Variants in ZNF724 observed in about 807,000 individuals in gnomAD.
ZNF724 encodes zinc finger protein 724 pseudogene.
ZNF724 carries 14 observed loss-of-function variants against 29.3 expected under a neutral mutation model. The ratio of observed to expected loss-of-function variants is 0.48; its 90% CI spans 0.32 to 0.75. The LOEUF (loss-of-function observed/expected upper bound fraction) is 0.75. Among genes scored for constraint, ZNF724 ranks in the 30% least tolerant of loss-of-function variants. The pLI, the probability that ZNF724 is intolerant of heterozygous loss-of-function variation, is 0.04. For synonymous variants in ZNF724, 180 were observed against 193.6 expected (o/e 0.93, Z 0.58); for missense variants, 557 against 571.2 (o/e 0.98, Z 0.25).
chr19:23,231,240 C>A, intron 3 of ZNF724, 26 bp downstream of exon 3: 1 of 1,272,986 alleles, frequency 7.9e-7, no homozygotes, highest in Non-Finnish European at 1.1e-6. Flanking sequence ...TCATCTGTGT[C>A]ATCTGTCATA....
At chr19:23,248,980 C>G (rs747497466) in intron 1 of ZNF724, among the ~76,000 whole-genome samples, 5 of 150,578 alleles carry the variant, frequency 3.3e-5, no homozygotes, top group Non-Finnish European at 5.9e-5. Flanking sequence ...TGCAGGACTC[C>G]GTCTCAAAAA....
chr19:23,244,488 A>C (rs567564236), intron 1 of ZNF724, among the ~76,000 whole-genome samples: 25 of 152,128 alleles, frequency 1.6e-4, no homozygotes, highest in Admixed American at 1.6e-3. Context: ...GTCCTCTCTC[A>C]CTCTAAGAGA....
intron 1 of ZNF724, among the ~76,000 whole-genome samples, chr19:23,244,319 A>T (rs1249958697): frequency 6.6e-6 from 1 of 152,152 alleles, no homozygotes; most frequent in Non-Finnish European, 1.5e-5. Flanking sequence ...GCTAAATCAA[A>T]AATGCTGTGG....
chr19:23,243,487 A>T (rs1972173041), intron 1 of ZNF724, among the ~76,000 whole-genome samples: 1 of 150,194 alleles, frequency 6.7e-6, no homozygotes, highest in Non-Finnish European at 1.5e-5. Flanking sequence ...AAAAAAAAAA[A>T]AAAAAAAAAA....
intron 1 of ZNF724, among the ~76,000 whole-genome samples, chr19:23,249,241 C>CTT (rs35301912): frequency 0.024 from 3,240 of 133,774 alleles, 165 homozygotes; most frequent in African/African-American, 0.079. Context: ...CAGAGACTGC[C>CTT]TTTTTTTTTT....
Position 23,234,541 on chromosome 19 carries a change from T to TCC in ZNF724, c.4-2250_4-2249dup, listed in dbSNP as rs370535786. The stretch of plus-strand genomic sequence containing the variant: ...ATCTCTGCTCACCACAACCTCCACC[T>TCC]CCTGGGTTAAAGAGATTCTCCAGCC... On this transcript the variant is annotated intron_variant, in intron 1 of 3. Coordinates refer to ENST00000418100, the MANE Select transcript of ZNF724 (RefSeq NM_001355404.2). 1.4e-3 allele frequency among the ~76,000 whole-genome samples: 207 copies of TCC among 152,124 alleles called. 1 individual carries two copies. The highest frequency in any genetic ancestry group is 4.9e-3 in the African/African-American group (202 of 41,520).
intron 1 of ZNF724, among the ~76,000 whole-genome samples, chr19:23,246,545 C>A (rs1322085408): frequency 6.6e-6 from 1 of 151,734 alleles, no homozygotes; most frequent in Non-Finnish European, 1.5e-5. Flanking sequence ...ATCCCAGGTA[C>A]GCTGGAGGCT....
At chr19:23,233,476 C>T (rs1971972817) in intron 1 of ZNF724, among the ~76,000 whole-genome samples, 1 of 151,920 alleles carries the variant, frequency 6.6e-6, no homozygotes, top group Admixed American at 6.6e-5. Context: ...CCCAGCTTTT[C>T]CCCAATAGTA....
chr19:23,249,725 G>T (rs1389402721), intron 1 of ZNF724, among the ~76,000 whole-genome samples: 1 of 152,050 alleles, frequency 6.6e-6, no homozygotes, highest in East Asian at 1.9e-4. Flanking sequence ...GTAGAGATGG[G>T]GTTTCGCCAT....
chr19:23,247,781 G>T (rs1332687438), intron 1 of ZNF724, among the ~76,000 whole-genome samples: 2 of 152,192 alleles, frequency 1.3e-5, no homozygotes, highest in African/African-American at 4.8e-5. Flanking sequence ...ATGTCTCCAA[G>T]AAATGGAAAA....
intron 1 of ZNF724, among the ~76,000 whole-genome samples, chr19:23,243,907 G>A (rs981433944): frequency 1.4e-5 from 2 of 139,050 alleles, no homozygotes; most frequent in Non-Finnish European, 3.1e-5. Context: ...TGGACAACAA[G>A]AGTGAAACTC....
intron 1 of ZNF724, among the ~76,000 whole-genome samples, chr19:23,241,260 T>C (rs1021595509): frequency 2.0e-5 from 3 of 152,102 alleles, no homozygotes; most frequent in Admixed American, 1.3e-4. Context: ...TAGTAGTAAA[T>C]AGGCTACCAA....
rs1971714817 is a variant in ZNF724 at position 23,221,629 on chromosome 19, G to GT, written c.*755_*756insA. 1 of 152,098 alleles carries GT rather than the reference G, an allele frequency of 6.6e-6. No individual in the cohort carries two copies. 9.4% of individuals were successfully genotyped at this position (152,098 alleles called of 1,614,324 possible). On this transcript the variant is annotated 3_prime_UTR_variant, in exon 4 of 4. Transcript: ENST00000418100. ...GGAGTGCAGCTGGAGTGCCCAGGCT[G>GT]GAGTGTGGTGGCACAAACTCAGCTC...
At chr19:23,245,032 A>G (rs1972212608) in intron 1 of ZNF724, among the ~76,000 whole-genome samples, 1 of 152,228 alleles carries the variant, frequency 6.6e-6, no homozygotes, top group African/African-American at 2.4e-5. Flanking sequence ...GCTATAATTA[A>G]TAAAATTCTC....
chr19:23,248,310 T>C (rs1433794044), intron 1 of ZNF724, among the ~76,000 whole-genome samples: 1 of 152,142 alleles, frequency 6.6e-6, no homozygotes, highest in African/African-American at 2.4e-5. Context: ...GAAAGAAAGT[T>C]GACAGTTCCT....
intron 3 of ZNF724, among the ~76,000 whole-genome samples, chr19:23,224,722 G>GA (rs11437293): frequency 0.85 from 129,321 of 151,948 alleles, 55,080 homozygotes; most frequent in South Asian, 0.93. Flanking sequence ...TTGGCGTGCC[G>GA]GGTGGGCCGA....
chr19:23,233,394 G>C (rs117532917), intron 1 of ZNF724, among the ~76,000 whole-genome samples: 8 of 151,168 alleles, frequency 5.3e-5, no homozygotes, highest in Admixed American at 4.6e-4. Context: ...TTCTTAATTC[G>C]GTTCTGCATA....
At chr19:23,240,995 T>C (rs953164282) in intron 1 of ZNF724, among the ~76,000 whole-genome samples, 2 of 151,820 alleles carry the variant, frequency 1.3e-5, no homozygotes, top group African/African-American at 2.4e-5. Context: ...ATCACGCCAG[T>C]GCACTCCAAC....
intron 1 of ZNF724, among the ~76,000 whole-genome samples, chr19:23,235,088 C>G (rs4932705): frequency 0.85 from 129,591 of 152,210 alleles, 55,208 homozygotes; most frequent in South Asian, 0.93. Flanking sequence ...GTCTGCACTT[C>G]GAAAACAACA....
Sources: allele counts gnomAD v4.1 joint callset (sites outside exome capture counted in the v4.1 genomes callset), GRCh38; gene constraint gnomAD v4.1.1; transcripts MANE v1.5; gene names NCBI Gene and HGNC (gene_info 2026-07-23, HGNC 2026-07-21).